NMNAT1: variants seen among roughly 807,000 people sequenced by gnomAD.
The protein encoded by NMNAT1 is nicotinamide/nicotinic acid mononucleotide adenylyltransferase 1.
In NMNAT1, 11 loss-of-function variants were observed where a neutral mutation model predicts 16.7. The observed-to-expected ratio is 0.66, with a 90% CI of 0.41 to 1.09. The LOEUF (loss-of-function observed/expected upper bound fraction) is 1.09, where lower values mean the gene tolerates loss of function less well. NMNAT1 is among the 50% of genes least tolerant of loss of function. The pLI, the probability that NMNAT1 is intolerant of heterozygous loss-of-function variation, is 0.00. For synonymous variants in NMNAT1, 110 were observed against 119.8 expected, an observed-to-expected ratio of 0.92 and a Z score of 0.53; for missense variants, 280 against 332.3, an observed-to-expected ratio of 0.84 and a Z score of 1.22.
At chr1:9,977,278 G>C (rs918071253) in intron 3 of NMNAT1, among the ~76,000 whole-genome samples, 1 of 151,404 alleles carries the variant, frequency 6.6e-6, no homozygotes, top group Admixed American at 6.6e-5. Flanking sequence ...TTGGAGATGG[G>C]GCCTCGCTAT....
At chr1:9,948,902 C>T (rs1034583685) in intron 1 of NMNAT1, among the ~76,000 whole-genome samples, 1 of 151,644 alleles carries the variant, frequency 6.6e-6, no homozygotes. Context: ...CCCACCTGGC[C>T]TCCCAAAATG....
intron 3 of NMNAT1, among the ~76,000 whole-genome samples, chr1:9,979,659 G>A (rs1156676895): frequency 3.3e-5 from 5 of 151,736 alleles, no homozygotes; most frequent in Non-Finnish European, 4.4e-5. Context: ...AAAATTAGCC[G>A]GGCGTGGTGG....
At chr1:9,948,107 G>A (rs1229431800) in intron 1 of NMNAT1, among the ~76,000 whole-genome samples, 2 of 152,118 alleles carry the variant, frequency 1.3e-5, no homozygotes, top group African/African-American at 2.4e-5. Context: ...AAGGTGGTCC[G>A]AAAATGTTGG....
At chr1:9,945,691 C>A (rs1312590559) in intron 1 of NMNAT1, among the ~76,000 whole-genome samples, 3 of 152,102 alleles carry the variant, frequency 2.0e-5, no homozygotes, top group African/African-American at 7.2e-5. Context: ...GAGACTCGGT[C>A]TCAAAAAAAT....
At chr1:9,994,367 C>T in the NMNAT1 span, among the ~76,000 whole-genome samples, 3 of 151,890 alleles carry the variant, frequency 2.0e-5, no homozygotes, top group Admixed American at 6.6e-5. Context: ...CCCATCTCAG[C>T]CTCCCAAAGT....
chr1:9,946,619 G>C (rs758893060), intron 1 of NMNAT1, among the ~76,000 whole-genome samples: 3 of 152,186 alleles, frequency 2.0e-5, no homozygotes, highest in Non-Finnish European at 4.4e-5. Context: ...TTGTACCATT[G>C]TAAGTCTTGC....
In NMNAT1 at chr1:9,972,111, C is replaced by G. The variant is rs1641702737; in HGVS notation, c.38C>G (p.Ala13Gly). The stretch of plus-strand genomic sequence containing the variant: ...GAGAAGACTGAAGTGGTTCTCCTTG[C>G]TTGTGGTTCATTCAATCCCATCACC... ...NSEKTEVVLL[A>G]CGSFNPITNM... Residue 13 changes from alanine to glycine, a missense_variant, in exon 2 of 5, where the codon GCT becomes GGT. By Grantham distance (60) the Ala-to-Gly change is moderately conservative. Transcript: ENST00000377205. 2 of 1,612,510 alleles carry G rather than the reference C, an allele frequency of 1.2e-6. No individual in the cohort carries two copies. The highest frequency in any genetic ancestry group is 2.2e-5 in the East Asian group (1 of 44,874).
At chr1:9,981,365 G>A in intron 4 of NMNAT1, 195 bp downstream of exon 4, 1 of 761,372 alleles carries the variant, frequency 1.3e-6, no homozygotes, top group Non-Finnish European at 1.9e-6. Flanking sequence ...CTCCTGAGCA[G>A]CTGGGACTAC....
chr1:9,982,085 A>G (rs1570716623), intron 4 of NMNAT1, among the ~76,000 whole-genome samples: 2 of 151,296 alleles, frequency 1.3e-5, no homozygotes, highest in Admixed American at 1.3e-4. Context: ...CTGGTCTCAA[A>G]CTCCTGACCT....
At chr1:9,995,475 T>C in the NMNAT1 span, among the ~76,000 whole-genome samples, 1 of 151,360 alleles carries the variant, frequency 6.6e-6, no homozygotes, top group African/African-American at 2.4e-5. Context: ...GGTGGATCTT[T>C]TAAGGTTGGG....
chr1:9,971,659 GACA>G (rs1641690720), intron 1 of NMNAT1, among the ~76,000 whole-genome samples: 2 of 151,942 alleles, frequency 1.3e-5, no homozygotes, highest in African/African-American at 2.4e-5. Flanking sequence ...AATGTGGAAG[GACA>G]TCAAAAGACC....
At chr1:9,990,302 C>G (rs1642094091), downstream of NMNAT1, among the ~76,000 whole-genome samples, 1 of 152,274 alleles carries the variant, frequency 6.6e-6, no homozygotes, top group Admixed American at 6.5e-5. Context: ...CTCTACACTT[C>G]CAGTCACAGT....
intron 1 of NMNAT1, among the ~76,000 whole-genome samples, chr1:9,962,491 A>C (rs1037608464): frequency 6.0e-5 from 9 of 150,908 alleles, no homozygotes; most frequent in African/African-American, 2.2e-4. Flanking sequence ...GAAAAAAAAA[A>C]AAAAATAACA....
chr1:9,946,752 C>T (rs1640989157), intron 1 of NMNAT1, among the ~76,000 whole-genome samples: 1 of 152,026 alleles, frequency 6.6e-6, no homozygotes, highest in Non-Finnish European at 1.5e-5. Flanking sequence ...TCCGATAGGA[C>T]TAGTGTCCTT....
intron 3 of NMNAT1, among the ~76,000 whole-genome samples, chr1:9,977,926 G>A (rs1008840347): frequency 2.6e-5 from 4 of 152,118 alleles, no homozygotes; most frequent in Non-Finnish European, 4.4e-5. Flanking sequence ...CGATGTTGCC[G>A]TCAGAGTTCA....
Position 9,975,581 on chromosome 1 carries a change from T to G in NMNAT1, c.116-11T>G, listed in dbSNP as rs750115467. On this transcript the variant is annotated splice_polypyrimidine_tract_variant and intron_variant, in intron 2 of 4. Transcript: ENST00000377205. ...TGTTATACCTAGTGTGAAACCTAAC[T>G]TTTTATCTAGGAAGGTACACAGTTG... The G allele has an allele frequency of 4.4e-6, 7 of 1,589,946 alleles. No individual in the cohort carries two copies. The highest frequency in any genetic ancestry group is 6.0e-6 in the Non-Finnish European group (7 of 1,169,476).
intron 1 of NMNAT1, among the ~76,000 whole-genome samples, chr1:9,962,742 C>T (rs1435716688): frequency 6.7e-5 from 8 of 120,014 alleles, no homozygotes; most frequent in Non-Finnish European, 9.6e-5. Flanking sequence ...AGTGCAGTGG[C>T]GCGATCTCGG....
intron 1 of NMNAT1, among the ~76,000 whole-genome samples, chr1:9,970,671 AGAGT>A (rs1439698553): frequency 6.6e-6 from 1 of 151,736 alleles, no homozygotes; most frequent in East Asian, 1.9e-4. Flanking sequence ...CCTGGGCAAC[AGAGT>A]GAGACTCCCG....
chr1:9,988,082 C>T (rs1189269710), downstream of NMNAT1, among the ~76,000 whole-genome samples: 4 of 152,070 alleles, frequency 2.6e-5, no homozygotes, highest in Non-Finnish European at 5.9e-5. Context: ...ACTGCAACCT[C>T]CACCTCTCAG....
Sources: allele counts gnomAD v4.1 joint callset (sites outside exome capture counted in the v4.1 genomes callset), GRCh38; gene constraint gnomAD v4.1.1; transcripts MANE v1.5; gene names NCBI Gene and HGNC (gene_info 2026-07-23, HGNC 2026-07-21).